ANXA4: variants seen among roughly 807,000 people sequenced by gnomAD.
ANXA4 encodes annexin A4, also known as 35-beta calcimedin.
In ANXA4, 39 loss-of-function variants were observed where a neutral mutation model predicts 49.8. The observed-to-expected ratio is 0.78, with a 90% CI of 0.61 to 1.02. The LOEUF (loss-of-function observed/expected upper bound fraction) is 1.02. Among genes scored for constraint, ANXA4 ranks in the 50% least tolerant of loss-of-function variants. ANXA4 has a pLI of 0.00. For missense variants in ANXA4, 360 were observed against 410.1 expected (o/e 0.88, Z 1.05); for synonymous variants, 134 against 152.5 (o/e 0.88, Z 0.89).
chr2:69,668,916 T>C (rs1344631680), intron 2 of ANXA4, among the ~76,000 whole-genome samples: 1 of 151,978 alleles, frequency 6.6e-6, no homozygotes, highest in Non-Finnish European at 1.5e-5. Flanking sequence ...AACATATACT[T>C]TATTTCCATT....
At chr2:69,793,914 GA>G (rs1470924895) in intron 3 of ANXA4, among the ~76,000 whole-genome samples, 6 of 151,864 alleles carry the variant, frequency 4.0e-5, no homozygotes, top group Non-Finnish European at 5.9e-5. Flanking sequence ...TTTATGAAGA[GA>G]AAAACATAAA....
At chr2:69,705,157 G>A (rs774486240) in intron 2 of ANXA4, among the ~76,000 whole-genome samples, 10 of 151,960 alleles carry the variant, frequency 6.6e-5, no homozygotes, top group East Asian at 1.9e-4. Context: ...TTAGCCAAGC[G>A]TGGTGGTGTG....
intron 3 of ANXA4, among the ~76,000 whole-genome samples, chr2:69,798,651 C>T (rs984152637): frequency 4.6e-5 from 7 of 152,252 alleles, no homozygotes; most frequent in Admixed American, 2.6e-4. Context: ...ACATCTGAGT[C>T]TTCAAGACTG....
chr2:69,761,772 G>A (rs1327687059), intron 1 of ANXA4, among the ~76,000 whole-genome samples: 1 of 109,546 alleles, frequency 9.1e-6, no homozygotes, highest in Non-Finnish European at 1.7e-5. Context: ...GCAAGATGCT[G>A]TCTTAAAAAA....
chr2:69,663,762 A>G (rs1463639268), intron 2 of ANXA4, among the ~76,000 whole-genome samples: 1 of 152,228 alleles, frequency 6.6e-6, no homozygotes, highest in Non-Finnish European at 1.5e-5. Context: ...AAAACTCAGT[A>G]GAATGTTAAG....
At chr2:69,808,524 C>T (rs1673550272) in intron 6 of ANXA4, 1 of 155,558 alleles carries the variant, frequency 6.4e-6, no homozygotes, top group African/African-American at 2.4e-5. Context: ...GTTCAGATCT[C>T]ACAGTGTTTA....
intron 2 of ANXA4, among the ~76,000 whole-genome samples, chr2:69,680,180 T>C (rs895087106): frequency 3.3e-5 from 5 of 152,208 alleles, no homozygotes; most frequent in Non-Finnish European, 7.3e-5. Flanking sequence ...TTCAATTTCT[T>C]TCATCAGCAT....
chr2:69,818,806 G>A (rs977050300), intron 10 of ANXA4, 112 bp downstream of exon 10: 13 of 660,590 alleles, frequency 2.0e-5, no homozygotes, highest in Non-Finnish European at 3.4e-5. Context: ...TGTTTATCAT[G>A]AATCACTCAT....
chr2:69,656,333 GTGTATATATA>G (rs1464818472), intron 2 of ANXA4, among the ~76,000 whole-genome samples: 5 of 91,454 alleles, frequency 5.5e-5, no homozygotes, highest in Non-Finnish European at 7.2e-5. Context: ...GTATATATAT[GTGTATATATA>G]TGTGTATATA....
At chr2:69,750,328 C>T (rs979658672) in intron 1 of ANXA4, among the ~76,000 whole-genome samples, 4 of 152,168 alleles carry the variant, frequency 2.6e-5, no homozygotes, top group African/African-American at 4.8e-5. Context: ...TCATTCTTGC[C>T]GTGTGTTTCA....
In ANXA4 at chr2:69,824,451, C is replaced by G. The variant is rs150546621; in HGVS notation, c.907-1005C>G. 6.0e-3 allele frequency among the ~76,000 whole-genome samples: 885 copies of G among 147,196 alleles called. 2 individuals are homozygous for G. Among genetic ancestry groups the G allele is most frequent in the Middle Eastern group, 0.011 (3 of 280 alleles). ...CTGGGAGGCGGAGGTCGCAGTGAGC[C>G]AGGATTGCACCATTGCACTCTAGCC... On this transcript the variant is annotated intron_variant, in intron 12 of 12. Transcript: ENST00000394295.
upstream of ANXA4, among the ~76,000 whole-genome samples, chr2:69,739,496 C>T (rs547314750): frequency 2.6e-5 from 4 of 152,072 alleles, no homozygotes; most frequent in Admixed American, 6.6e-5. Flanking sequence ...GCTTCAAACC[C>T]CTGGGCTCAA....
At chr2:69,664,427 C>G (rs369985018) in intron 2 of ANXA4, among the ~76,000 whole-genome samples, 1 of 152,100 alleles carries the variant, frequency 6.6e-6, no homozygotes, top group Admixed American at 6.5e-5. Context: ...ATAGTTACAG[C>G]TTTCTAAAGT....
At chr2:69,656,353 A>ATATG (rs1676479320) in intron 2 of ANXA4, among the ~76,000 whole-genome samples, 1 of 132,402 alleles carries the variant, frequency 7.6e-6, no homozygotes, top group African/African-American at 3.0e-5. Flanking sequence ...ATGTGTATAT[A>ATATG]TGTGTATATA....
chr2:69,798,453 A>G (rs1208338580), intron 3 of ANXA4, among the ~76,000 whole-genome samples: 1 of 152,242 alleles, frequency 6.6e-6, no homozygotes, highest in Non-Finnish European at 1.5e-5. Context: ...CAGTCAGGCA[A>G]TCAGAGGCTG....
chr2:69,663,061 C>A (rs539257068), intron 2 of ANXA4, among the ~76,000 whole-genome samples: 1 of 142,096 alleles, frequency 7.0e-6, no homozygotes, highest in East Asian at 2.1e-4. Flanking sequence ...CGCATGATCT[C>A]CACTCACTGC....
At chr2:69,702,751 T>C (rs1366021029) in intron 2 of ANXA4, among the ~76,000 whole-genome samples, 1 of 152,136 alleles carries the variant, frequency 6.6e-6, no homozygotes, top group Non-Finnish European at 1.5e-5. Flanking sequence ...CCAGACATCA[T>C]CATTTCATCC....
intron 3 of ANXA4, among the ~76,000 whole-genome samples, chr2:69,802,650 G>T (rs946890761): frequency 6.7e-6 from 1 of 150,366 alleles, no homozygotes; most frequent in Non-Finnish European, 1.5e-5. Flanking sequence ...GGCAGAGGTT[G>T]CAGTGAGCCG....
At chr2:69,693,338 G>A (rs553394519) in intron 2 of ANXA4, among the ~76,000 whole-genome samples, 93 of 152,214 alleles carry the variant, frequency 6.1e-4, no homozygotes, top group Non-Finnish European at 1.1e-3. Flanking sequence ...AGGGAAGGCC[G>A]GAGAAGGAGC....
Sources: gnomAD v4.1 joint callset for allele counts (sites outside exome capture counted in the v4.1 genomes callset) on GRCh38, gnomAD v4.1.1 for gene constraint, MANE v1.5 for transcripts, NCBI Gene and HGNC (gene_info 2026-07-23, HGNC 2026-07-21) for gene names.